The following POU3F4 variants were observed in gnomAD, a reference collection of about 807,000 sequenced individuals.
POU3F4 encodes the protein POU domain, class 3, transcription factor 4.
A neutral mutation model predicts 15.2 loss-of-function variants in POU3F4; 2 were observed. That is an observed-to-expected ratio of 0.13 (90% confidence interval 0.05 to 0.42). The LOEUF (loss-of-function observed/expected upper bound fraction) is 0.42. Among genes scored for constraint, POU3F4 ranks in the 10% least tolerant of loss-of-function variants. The pLI is 0.99. For missense variants in POU3F4, 220 were observed against 297.0 expected (o/e 0.74, Z 1.91); for synonymous variants, 158 against 133.3 (o/e 1.19, Z -1.28).
In POU3F4 at chrX:83,508,440, A is replaced by G; in HGVS notation, c.116A>G (p.Gln39Arg). The change falls in exon 1 of 1, where the codon CAA becomes CGA. Residue 39 changes from glutamine to arginine, a missense_variant. Transcript: ENST00000644024. ...TTCCGCAACCCTCAGAAACTTCTCC[A>G]AAGTGATTACTTGCAGGGAGTTCCC... The part of the protein sequence containing the change: ...SPFRNPQKLL[Q>R]SDYLQGVPSN... 1 of 1,211,232 alleles carries G rather than the reference A, an allele frequency of 8.3e-7. No homozygotes were observed.
chrX:83,510,958 G>T lies in POU3F4; in HGVS notation c.*1548G>T, dbSNP rs1266974449. On this transcript the variant is annotated 3_prime_UTR_variant, in exon 1 of 1. Coordinates refer to ENST00000644024, the MANE Select transcript of POU3F4 (RefSeq NM_000307.5). The stretch of plus-strand genomic sequence containing the variant: ...TATACCGCTGTCTGTGTGTGGGCTC[G>T]TGGGGAGCTGTCTCGGCGTTTCTGA... 1 of 109,570 alleles carries T rather than the reference G, an allele frequency of 9.1e-6. No homozygotes were observed. The highest frequency in any genetic ancestry group is 4.0e-4 in the South Asian group (1 of 2,492). The allele number at this position is 109,570 out of a possible 1,213,427, so 9.0% of individuals were successfully genotyped here. A position where few individuals can be genotyped will look rare whatever the true frequency, so the allele number is the denominator to read the frequency against.
rs747552234 is a variant in POU3F4, at chrX:83,508,711, A to G, written c.387A>G (p.Gln129=). The G allele has an allele frequency of 3.2e-5, 39 of 1,210,670 alleles. No homozygotes were observed. The highest frequency in any genetic ancestry group is 4.2e-5 in the Non-Finnish European group (38 of 894,972). ...ACCCGTCTATCACGTCAAGCGGCCAACCCCTCAACGTGTACTCGCAGCCTG... is the reference window on the plus strand; with the variant it reads ...ACCCGTCTATCACGTCAAGCGGCCAGCCCCTCAACGTGTACTCGCAGCCTG... ...APNPSITSSG[Q]PLNVYSQPGF... The change falls in exon 1 of 1, where the codon CAA becomes CAG. Residue 129 remains glutamine (Q), a synonymous_variant. Coordinates refer to ENST00000644024, the MANE Select transcript of POU3F4 (RefSeq NM_000307.5).
Position 83,510,579 on chromosome X carries a change from G to C in POU3F4, c.*1169G>C, listed in dbSNP as rs1925890873. 9.0e-6 allele frequency: 1 copy of C among 111,533 alleles called. No homozygotes were observed. Among genetic ancestry groups the C allele is most frequent in the African/African-American group, 3.3e-5 (1 of 30,630 alleles). 9.2% of individuals were successfully genotyped at this position (111,533 alleles called of 1,213,427 possible). The stretch of plus-strand genomic sequence containing the variant: ...AAAGAGGTGGCCTGACAGTCTGGGA[G>C]GGCTCCGCACTCACCGGACTCCAGG... On this transcript the variant is annotated 3_prime_UTR_variant, in exon 1 of 1. Coordinates refer to ENST00000644024, the MANE Select transcript of POU3F4 (RefSeq NM_000307.5).
rs1048638753 is a variant in POU3F4, at chrX:83,511,489, T to C, written c.*2079T>C. The C allele has an allele frequency of 7.1e-5, 8 of 112,565 alleles. No individual in the cohort carries two copies. Among genetic ancestry groups the C allele is most frequent in the Non-Finnish European group, 1.1e-4 (6 of 53,311 alleles). The allele number at this position is 112,565 out of a possible 1,213,427, so 9.3% of individuals were successfully genotyped here. A position where few individuals can be genotyped will look rare whatever the true frequency, so the allele number is the denominator to read the frequency against. On this transcript the variant is annotated 3_prime_UTR_variant, in exon 1 of 1. Transcript: ENST00000644024. ...GAAAGCCCGGCCCGGTTGTCGAGGA[T>C]GCGTTAGTATGAGTTGCCAGGCCTC...
chrX:83,511,862 A>T lies in POU3F4; in HGVS notation c.*2452A>T. 1 of 112,801 alleles carries T rather than the reference A, an allele frequency of 8.9e-6. No individual in the cohort carries two copies. The highest frequency in any genetic ancestry group is 3.6e-4 in the South Asian group (1 of 2,765). The allele number at this position is 112,801 out of a possible 1,213,427, so 9.3% of individuals were successfully genotyped here. A position where few individuals can be genotyped will look rare whatever the true frequency, so the allele number is the denominator to read the frequency against. ...AGTTTATTCATTTAGTAACTGATGT[A>T]TAATAAACGCTATTTTCATTAAGAG... On this transcript the variant is annotated 3_prime_UTR_variant, in exon 1 of 1. Coordinates refer to ENST00000644024, the MANE Select transcript of POU3F4 (RefSeq NM_000307.5).
At position 83,509,416 on chromosome X, in the gene POU3F4, G is replaced by A. The variant is rs1308983093; in HGVS notation, c.*6G>A. On this transcript the variant is annotated 3_prime_UTR_variant, in exon 1 of 1. Transcript: ENST00000644024. ...CATCTTGCCATGATCTCTGACTGGA[G>A]GAAGCGAGGAGGCGGCCGGCCGCAC... The A allele has an allele frequency of 1.7e-6, 2 of 1,192,896 alleles. No individual in the cohort carries two copies. The highest frequency in any genetic ancestry group is 4.7e-5 in the Admixed American group (2 of 42,833).
chrX:83,508,538 G>T lies in POU3F4; in HGVS notation c.214G>T (p.Ala72Ser), dbSNP rs1235432787. 1 of 1,203,497 alleles carries T rather than the reference G, an allele frequency of 8.3e-7. No individual in the cohort carries two copies. Among genetic ancestry groups the T allele is most frequent in the Non-Finnish European group, 1.1e-6 (1 of 891,164 alleles). ...CGGGGGCCCATGGTCCTCCACACTGGCCACCAGCCCCCTGGACCAGCAGGA... is the reference window on the plus strand; with the variant it reads ...CGGGGGCCCATGGTCCTCCACACTGTCCACCAGCCCCCTGGACCAGCAGGA... ...SDGGPWSSTL[A>S]TSPLDQQDVK... Residue 72 changes from alanine to serine, a missense_variant, in exon 1 of 1, where the codon GCC (alanine) becomes TCC (serine). Transcript: ENST00000644024.
chrX:83,509,141 G>A lies in POU3F4; in HGVS notation c.817G>A (p.Ala273Thr), dbSNP rs777196693. The A allele has an allele frequency of 8.3e-7, 1 of 1,211,375 alleles. No individual in the cohort carries two copies. Among genetic ancestry groups the A allele is most frequent in the Non-Finnish European group, 1.1e-6 (1 of 895,198 alleles). Reference protein sequence around the residue: ...TGSPTSIDKIAAQGRKRKKRT... With the variant: ...TGSPTSIDKITAQGRKRKKRT... Reference sequence around the variant, plus strand: ...GAGCCCGACCAGCATTGACAAGATCGCTGCACAGGGCCGCAAGCGCAAGAA... The same window carrying A: ...GAGCCCGACCAGCATTGACAAGATCACTGCACAGGGCCGCAAGCGCAAGAA... Residue 273 changes from alanine to threonine, a missense_variant, in exon 1 of 1, where the codon GCT becomes ACT. Ala to Thr is a moderately conservative substitution (Grantham distance 58, BLOSUM62 0). Around this residue, in one of 5 missense-constraint regions of POU3F4, gnomAD observed 25 missense variants for 36.7 expected, o/e 0.68. Coordinates refer to ENST00000644024, the MANE Select transcript of POU3F4 (RefSeq NM_000307.5).
In POU3F4 at chrX:83,511,101, T is replaced by C. The variant is rs1925902175; in HGVS notation, c.*1691T>C. 1 of 107,948 alleles carries C rather than the reference T, an allele frequency of 9.3e-6. No homozygotes were observed. The highest frequency in any genetic ancestry group is 4.1e-4 in the South Asian group (1 of 2,452). 8.9% of individuals were successfully genotyped at this position (107,948 alleles called of 1,213,427 possible). A position where few individuals can be genotyped will look rare whatever the true frequency, so the allele number is the denominator to read the frequency against. The stretch of plus-strand genomic sequence containing the variant: ...ATATATTTTTAAATCTCTGTGTGTA[T>C]GTGTCTCTGTGCGTGTGTGTGTGTG... On this transcript the variant is annotated 3_prime_UTR_variant, in exon 1 of 1. Transcript: ENST00000644024.
chrX:83,510,207 G>A lies in POU3F4; in HGVS notation c.*797G>A, dbSNP rs1925880728. The A allele has an allele frequency of 9.1e-6, 1 of 109,853 alleles. No homozygotes were observed. Among genetic ancestry groups the A allele is most frequent in the Admixed American group, 9.7e-5 (1 of 10,313 alleles). The allele number at this position is 109,853 out of a possible 1,213,427, so 9.1% of individuals were successfully genotyped here. A position where few individuals can be genotyped will look rare whatever the true frequency, so the allele number is the denominator to read the frequency against. On this transcript the variant is annotated 3_prime_UTR_variant, in exon 1 of 1. Transcript: ENST00000644024. ...TTATTGCTATTATTATTACTACTTC[G>A]TTGAGCTGATGGCTTTTTAATTGCT...
chrX:83,509,032 G>A lies in POU3F4; in HGVS notation c.708G>A (p.Glu236=), dbSNP rs5921978. 1.6e-6 allele frequency: 2 copies of A among 1,212,266 alleles called. No individual in the cohort carries two copies. The change falls in exon 1 of 1, where the codon GAG becomes GAA. Residue 236 remains glutamate, a synonymous_variant. Transcript: ENST00000644024. ...CGCAGACCACCATCTGCAGGTTCGA[G>A]GCCTTGCAGCTGAGCTTCAAAAATA... The part of the protein sequence containing the change: ...VFSQTTICRF[E]ALQLSFKNMC...
rs1925902910 is a variant in POU3F4 at position 83,511,129 on chromosome X, T to A, written c.*1719T>A. The A allele has an allele frequency of 1.9e-5, 2 of 105,694 alleles. No homozygotes were observed. Among genetic ancestry groups the A allele is most frequent in the African/African-American group, 3.5e-5 (1 of 28,807 alleles). The allele number at this position is 105,694 out of a possible 1,213,427, so 8.7% of individuals were successfully genotyped here. A position where few individuals can be genotyped will look rare whatever the true frequency, so the allele number is the denominator to read the frequency against. On this transcript the variant is annotated 3_prime_UTR_variant, in exon 1 of 1. Transcript: ENST00000644024. ...GTCTCTGTGCGTGTGTGTGTGTGCG[T>A]GCGCGTGCAAACGTGTGTGTGTAGA...
rs2147998180 is a variant in POU3F4, at chrX:83,511,942, T to G, written c.*2532T>G. 8.9e-6 allele frequency: 1 copy of G among 112,771 alleles called. No individual in the cohort carries two copies. The highest frequency in any genetic ancestry group is 2.8e-4 in the East Asian group (1 of 3,612). The allele number at this position is 112,771 out of a possible 1,213,427, so 9.3% of individuals were successfully genotyped here. ...CCTATTGCAGTTGCCAACAATTATT[T>G]ATTTTCAATAAATTCTGCATTGTGT... On this transcript the variant is annotated 3_prime_UTR_variant, in exon 1 of 1. Coordinates refer to ENST00000644024, the MANE Select transcript of POU3F4 (RefSeq NM_000307.5).
Position 83,508,457 on chromosome X carries a change from G to A in POU3F4, c.133G>A (p.Gly45Arg). 1 of 1,210,199 alleles carries A rather than the reference G, an allele frequency of 8.3e-7. No homozygotes were observed. The highest frequency in any genetic ancestry group is 1.1e-6 in the Non-Finnish European group (1 of 894,683). ...ACTTCTCCAAAGTGATTACTTGCAG[G>A]GAGTTCCCAGCAATGGGCATCCCCT... ...QKLLQSDYLQ[G>R]VPSNGHPLGH... Residue 45 changes from glycine (G) to arginine (R), a missense_variant, in exon 1 of 1, where the codon GGA (glycine) becomes AGA (arginine). Physicochemically the swap from Gly to Arg is moderately radical, Grantham distance 125. Coordinates refer to ENST00000644024, the MANE Select transcript of POU3F4 (RefSeq NM_000307.5).
rs758189904 is a variant in POU3F4, at chrX:83,512,065, C to T, written c.*2655C>T. On this transcript the variant is annotated 3_prime_UTR_variant, in exon 1 of 1. Coordinates refer to ENST00000644024, the MANE Select transcript of POU3F4 (RefSeq NM_000307.5). Reference sequence around the variant, plus strand: ...GTTTTAGTCAAGGGGTTTATATTGACGCAATATTTTATTGTTGTAAAAGAT... The same window carrying T: ...GTTTTAGTCAAGGGGTTTATATTGATGCAATATTTTATTGTTGTAAAAGAT... 2 of 112,052 alleles carry T rather than the reference C, an allele frequency of 1.8e-5. No homozygotes were observed. The highest frequency in any genetic ancestry group is 3.7e-4 in the South Asian group (1 of 2,712). 9.2% of individuals were successfully genotyped at this position (112,052 alleles called of 1,213,427 possible).
chrX:83,509,539 T>C lies in POU3F4; in HGVS notation c.*129T>C. ...TCTCTCTCGTTCGCTCGCTCTCTCGTACTCTCTCTCTTTTCCCTCCTTTCC... is the reference window on the plus strand; with the variant it reads ...TCTCTCTCGTTCGCTCGCTCTCTCGCACTCTCTCTCTTTTCCCTCCTTTCC... On this transcript the variant is annotated 3_prime_UTR_variant, in exon 1 of 1. Transcript: ENST00000644024. The C allele has an allele frequency of 2.1e-6, 2 of 938,908 alleles. No homozygotes were observed. Among genetic ancestry groups the C allele is most frequent in the Non-Finnish European group, 2.9e-6 (2 of 680,734 alleles). 77.4% of individuals were successfully genotyped at this position (938,908 alleles called of 1,213,427 possible).
chrX:83,510,295 C>T lies in POU3F4; in HGVS notation c.*885C>T, dbSNP rs943292500. On this transcript the variant is annotated 3_prime_UTR_variant, in exon 1 of 1. Coordinates refer to ENST00000644024, the MANE Select transcript of POU3F4 (RefSeq NM_000307.5). ...AGAGATGCCTATCTACTCACCGCCC[C>T]CCCCCTTCCCAAATCTCTATGAGGA... The T allele has an allele frequency of 1.9e-5, 2 of 107,071 alleles. No individual in the cohort carries two copies. The highest frequency in any genetic ancestry group is 3.0e-4 in the East Asian group (1 of 3,376). 8.8% of individuals were successfully genotyped at this position (107,071 alleles called of 1,213,427 possible).
Position 83,511,926 on chromosome X carries a change from G to C in POU3F4, c.*2516G>C, listed in dbSNP as rs949013638. 2 of 112,309 alleles carry C rather than the reference G, an allele frequency of 1.8e-5. No individual in the cohort carries two copies. The highest frequency in any genetic ancestry group is 6.5e-5 in the African/African-American group (2 of 30,903). The allele number at this position is 112,309 out of a possible 1,213,427, so 9.3% of individuals were successfully genotyped here. A position where few individuals can be genotyped will look rare whatever the true frequency, so the allele number is the denominator to read the frequency against. On this transcript the variant is annotated 3_prime_UTR_variant, in exon 1 of 1. Coordinates refer to ENST00000644024, the MANE Select transcript of POU3F4 (RefSeq NM_000307.5). ...TATTTTATTCAAATTGCCTATTGCA[G>C]TTGCCAACAATTATTTATTTTCAAT...
In POU3F4 at chrX:83,508,801, A is replaced by C. The variant is rs763738912; in HGVS notation, c.477A>C (p.Ala159=). 8.3e-7 allele frequency: 1 copy of C among 1,204,906 alleles called. No individual in the cohort carries two copies. The highest frequency in any genetic ancestry group is 2.2e-5 in the Admixed American group (1 of 45,219). The part of the protein sequence containing the change: ...GLTPPPAAAS[A]QSLHPVLREP... ...CCCCACCTCCAGCTGCCGCCTCTGC[A>C]CAGAGCCTGCACCCGGTGCTCCGAG... is the stretch of plus-strand genomic sequence containing the variant. The change falls in exon 1 of 1, where the codon GCA becomes GCC. Residue 159 remains alanine, a synonymous_variant. Coordinates refer to ENST00000644024, the MANE Select transcript of POU3F4 (RefSeq NM_000307.5).
Sources: gnomAD v4.1 joint callset for allele counts on GRCh38, gnomAD v4.1.1 for gene constraint, gnomAD v4.1.1 regional missense constraint, MANE v1.5 for transcripts, NCBI Gene and HGNC (gene_info 2026-07-23, HGNC 2026-07-21) for gene names.